Variants in GRIA4 observed in about 807,000 individuals in gnomAD.
GRIA4 encodes the protein glutamate ionotropic receptor AMPA type subunit 4, also known as glutamate receptor 4.
Under a neutral mutation model 104.0 loss-of-function variants are expected in GRIA4, and 34 were observed. The observed-to-expected ratio is 0.33, with a 90% CI of 0.25 to 0.44. GRIA4 has a LOEUF of 0.44. Among genes scored for constraint, GRIA4 ranks in the 20% least tolerant of loss-of-function variants. The probability of loss-of-function intolerance (pLI) is 1.00; values close to 1 mark genes in which losing one functional copy is unlikely to be tolerated. For missense variants in GRIA4, 750 were observed against 1,096.5 expected, an observed-to-expected ratio of 0.68 and a Z score of 4.46; for synonymous variants, 386 against 381.9, an observed-to-expected ratio of 1.01 and a Z score of -0.13.
At chr11:105,696,052 GA>G (rs543811403) in intron 3 of GRIA4, among the ~76,000 whole-genome samples, 4 of 152,172 alleles carry the variant, frequency 2.6e-5, no homozygotes, top group Non-Finnish European at 4.4e-5. Context: ...TCAATTTCCT[GA>G]AGGCATCAAC....
At chr11:105,612,620 T>C in intron 3 of GRIA4, 186 bp downstream of exon 3, 1 of 523,434 alleles carries the variant, frequency 1.9e-6, no homozygotes, top group Non-Finnish European at 3.3e-6. Context: ...TTTTTTTTCT[T>C]TTCCTTAATT....
At chr11:105,931,704 G>A (rs1011659009) in intron 13 of GRIA4, among the ~76,000 whole-genome samples, 1 of 151,380 alleles carries the variant, frequency 6.6e-6, no homozygotes, top group South Asian at 2.1e-4. Flanking sequence ...GACTCCATCT[G>A]CCCCCTCAAA....
chr11:105,874,445 C>T (rs924111093), intron 5 of GRIA4, among the ~76,000 whole-genome samples: 1 of 151,840 alleles, frequency 6.6e-6, no homozygotes, highest in Non-Finnish European at 1.5e-5. Context: ...TTTTTTCTAA[C>T]CCGGTGAAGA....
Position 105,898,303 on chromosome 11 carries a change from A to T in GRIA4, c.761A>T (p.His254Leu), listed in dbSNP as rs1385908357. The T allele has an allele frequency of 6.4e-7, 1 of 1,569,332 alleles. No individual in the cohort carries two copies. Among genetic ancestry groups the T allele is most frequent in the Non-Finnish European group, 8.8e-7 (1 of 1,139,730 alleles). Residue 254 changes from histidine (H) to leucine (L), a missense_variant, in exon 7 of 17, where the codon CAT (histidine) becomes CTT (leucine). Physicochemically the swap from His to Leu is moderately conservative, Grantham distance 99 (BLOSUM62 -3). This residue lies in a region of GRIA4 where 410 missense variants were observed against 502.7 expected (regional missense o/e 0.82). Coordinates refer to ENST00000282499, the MANE Select transcript of GRIA4 (RefSeq NM_000829.4). ...GATATTTCTCTTGAGAGGTTTATAC[A>T]TGGTGGAGCCAATGTTACTGGATTC... Reference protein sequence around the residue: ...FKDISLERFIHGGANVTGFQL... With the variant: ...FKDISLERFILGGANVTGFQL...
chr11:105,649,794 C>T (rs1951634506), intron 3 of GRIA4, among the ~76,000 whole-genome samples: 1 of 151,916 alleles, frequency 6.6e-6, no homozygotes, highest in African/African-American at 2.4e-5. Context: ...AAATTAATGA[C>T]TATCTCAACA....
intron 3 of GRIA4, among the ~76,000 whole-genome samples, chr11:105,699,101 C>T (rs553394562): frequency 2.6e-5 from 4 of 152,168 alleles, no homozygotes; most frequent in Non-Finnish European, 5.9e-5. Context: ...AATGCCGAAA[C>T]TGACAAGCTA....
At chr11:105,772,678 A>T (rs1941263134) in intron 4 of GRIA4, among the ~76,000 whole-genome samples, 1 of 152,044 alleles carries the variant, frequency 6.6e-6, no homozygotes, top group African/African-American at 2.4e-5. Context: ...ATACACAAAC[A>T]TACACACACA....
At chr11:105,847,728 T>C (rs967520801) in intron 4 of GRIA4, among the ~76,000 whole-genome samples, 53 of 152,220 alleles carry the variant, frequency 3.5e-4, no homozygotes, top group Admixed American at 3.5e-3. Context: ...ACTTTGGATC[T>C]GTCAGGTAGA....
chr11:105,873,294 T>C (rs374353291), intron 5 of GRIA4, among the ~76,000 whole-genome samples: 10 of 152,346 alleles, frequency 6.6e-5, no homozygotes, highest in African/African-American at 2.4e-4. Flanking sequence ...GGTATATTTG[T>C]GCCACATTTT....
chr11:105,819,634 C>T (rs1279373305), intron 4 of GRIA4, among the ~76,000 whole-genome samples: 1 of 151,934 alleles, frequency 6.6e-6, no homozygotes, highest in East Asian at 1.9e-4. Context: ...TGAAACGCTC[C>T]TGGGTAGGGG....
chr11:105,808,620 GACAA>G (rs1406458882), intron 4 of GRIA4, among the ~76,000 whole-genome samples: 3 of 151,974 alleles, frequency 2.0e-5, no homozygotes, highest in African/African-American at 4.8e-5. Context: ...CAGATCCACA[GACAA>G]ACAAATTCTT....
At chr11:105,755,312 C>T (rs1565520295) in intron 4 of GRIA4, among the ~76,000 whole-genome samples, 1 of 152,100 alleles carries the variant, frequency 6.6e-6, no homozygotes, top group Non-Finnish European at 1.5e-5. Context: ...AGGCATGAAA[C>T]ACCTTTAAAT....
Position 105,924,472 on chromosome 11 carries a change from T to A in GRIA4, c.1550T>A (p.Phe517Tyr), listed in dbSNP as rs751541938. The stretch of plus-strand genomic sequence containing the variant: ...GAGGTCATTGACTTTTCTAAGCCCT[T>A]CATGAGTTTGGGCATATCTATCATG... ...REEVIDFSKPFMSLGISIMIK... is the reference protein window; with the variant it reads ...REEVIDFSKPYMSLGISIMIK... The change falls in exon 12 of 17, where the codon TTC becomes TAC. Residue 517 changes from phenylalanine (F) to tyrosine (Y), a missense_variant. Physicochemically the swap from Phe to Tyr is conservative, Grantham distance 22 (BLOSUM62 3). Transcript: ENST00000282499. The A allele has an allele frequency of 6.2e-7, 1 of 1,612,494 alleles. No homozygotes were observed. The highest frequency in any genetic ancestry group is 1.1e-5 in the South Asian group (1 of 91,032).
At chr11:105,705,978 T>A (rs1314856020) in intron 3 of GRIA4, among the ~76,000 whole-genome samples, 1 of 152,210 alleles carries the variant, frequency 6.6e-6, no homozygotes, top group African/African-American at 2.4e-5. Flanking sequence ...TTGCAAAATA[T>A]TGGAAATGAA....
intron 16 of GRIA4, among the ~76,000 whole-genome samples, chr11:105,975,855 C>T (rs1351301020): frequency 6.6e-6 from 1 of 152,050 alleles, no homozygotes; most frequent in African/African-American, 2.4e-5. Flanking sequence ...TAATTGCTTT[C>T]ATCCATAATG....
At chr11:105,680,880 G>A (rs948816890) in intron 3 of GRIA4, among the ~76,000 whole-genome samples, 1 of 152,130 alleles carries the variant, frequency 6.6e-6, no homozygotes, top group Non-Finnish European at 1.5e-5. Flanking sequence ...CTTGCAAGCA[G>A]ACATCTTCCC....
At chr11:105,761,408 G>GTGCA (rs1302058026) in intron 4 of GRIA4, among the ~76,000 whole-genome samples, 11 of 152,050 alleles carry the variant, frequency 7.2e-5, no homozygotes, top group African/African-American at 2.7e-4. Context: ...TATGCACTAA[G>GTGCA]TACTTTACTA....
intron 14 of GRIA4, among the ~76,000 whole-genome samples, chr11:105,963,625 A>G (rs1301682842): frequency 1.3e-5 from 2 of 152,164 alleles, no homozygotes; most frequent in Admixed American, 1.3e-4. Flanking sequence ...CTATTGGTCC[A>G]GTGTATAAAA....
At chr11:105,894,238 C>T (rs559743107) in intron 6 of GRIA4, among the ~76,000 whole-genome samples, 49 of 152,156 alleles carry the variant, frequency 3.2e-4, no homozygotes, top group African/African-American at 1.1e-3. Context: ...ATTTAAAATA[C>T]CTCTGTGTAA....
Sources: gnomAD v4.1 joint callset for allele counts (sites outside exome capture counted in the v4.1 genomes callset) on GRCh38, gnomAD v4.1.1 for gene constraint, gnomAD v4.1.1 regional missense constraint, MANE v1.5 for transcripts, NCBI Gene and HGNC (gene_info 2026-07-23, HGNC 2026-07-21) for gene names.